Variants in ARAP3 observed in about 807,000 individuals in gnomAD.
ARAP3 encodes the protein ArfGAP with RhoGAP domain, ankyrin repeat and PH domain 3.
A neutral mutation model predicts 169.2 loss-of-function variants in ARAP3; 82 were observed. The observed-to-expected ratio is 0.48, with a 90% CI of 0.41 to 0.58. The LOEUF is 0.58. Ranked by LOEUF, ARAP3 falls within the 20% of genes least tolerant of loss-of-function variation. The pLI is 0.00. For missense variants in ARAP3, 1,764 were observed against 2,018.0 expected (o/e 0.87, Z 2.41); for synonymous variants, 791 against 800.3 (o/e 0.99, Z 0.20).
rs1301568066 is a variant in ARAP3 at position 141,672,517 on chromosome 5, C to T, written c.1385+35G>A. On this transcript the variant is annotated intron_variant, in intron 9 of 32. Transcript: ENST00000239440. The surrounding 1 kb of genome is among the most constrained non-coding windows in gnomAD (Gnocchi z 4.9). ...GCACCCTTGTGCCTCCCGCAAAAGT[C>T]CCCCAGCCTTGCCTCCCACTGGCCC... 10 of 1,609,818 alleles carry T rather than the reference C, an allele frequency of 6.2e-6. No individual in the cohort carries two copies. The East Asian group carries it at 1.6e-4, about 25-fold the overall frequency.
Position 141,653,940 on chromosome 5 carries a change from G to C in ARAP3, c.*10C>G. 2 of 1,514,714 alleles carry C rather than the reference G, an allele frequency of 1.3e-6. No individual in the cohort carries two copies. Among genetic ancestry groups the C allele is most frequent in the Non-Finnish European group, 1.8e-6 (2 of 1,132,260 alleles). The allele number at this position is 1,514,714 out of a possible 1,614,324, so 93.8% of individuals were successfully genotyped here. ...CTGGTACCTACCCTCTCAGACTGCT[G>C]GTCCTAGGGTCATGTGAGGGGCTGG... is the stretch of plus-strand genomic sequence containing the variant. On this transcript the variant is annotated 3_prime_UTR_variant, in exon 33 of 33. Coordinates refer to ENST00000239440, the MANE Select transcript of ARAP3 (RefSeq NM_022481.6).
chr5:141,674,613 T>A (rs569213775), intron 4 of ARAP3, among the ~76,000 whole-genome samples: 94 of 152,300 alleles, frequency 6.2e-4, no homozygotes, highest in African/African-American at 2.2e-3. Flanking sequence ...AAGATTGGCA[T>A]GGGGCTGCTT....
intron 17 of ARAP3, 111 bp from the exon 18 acceptor site, chr5:141,665,485 C>A (rs185057440): frequency 7.9e-6 from 9 of 1,132,122 alleles, no homozygotes; most frequent in Middle Eastern, 2.0e-4. Context: ...TTACAAAAAA[C>A]GTTCAGTTGA....
chr5:141,669,131 C>T (rs1429317770), intron 16 of ARAP3, among the ~76,000 whole-genome samples: 2 of 152,034 alleles, frequency 1.3e-5, no homozygotes, highest in African/African-American at 4.8e-5. Context: ...TCTTTTACGC[C>T]CACCCTACAG....
chr5:141,666,511 C>T lies in ARAP3; in HGVS notation c.2485G>A (p.Gly829Ser). ...LWLSGFGLLR[G>S]DHLFLCSAPG... ...GCTGAGCACAGGAAGAGGTGGTCAC[C>T]ACGAAGGAGGCCAAACCCTGACAGC... The change falls in exon 17 of 33, where the codon GGT becomes AGT. Residue 829 changes from glycine (G) to serine (S), a missense_variant. Physicochemically the swap from Gly to Ser is moderately conservative, Grantham distance 56. Transcript: ENST00000239440. The T allele has an allele frequency of 6.2e-7, 1 of 1,603,880 alleles. No individual in the cohort carries two copies. The highest frequency in any genetic ancestry group is 8.5e-7 in the Non-Finnish European group (1 of 1,175,332).
intron 16 of ARAP3, among the ~76,000 whole-genome samples, chr5:141,667,567 G>A (rs2099910833): frequency 6.6e-6 from 1 of 150,794 alleles, no homozygotes; most frequent in Admixed American, 6.6e-5. Context: ...CCGAGTAGCT[G>A]GGACTATAGG....
intron 16 of ARAP3, among the ~76,000 whole-genome samples, chr5:141,668,777 G>C (rs1317761413): frequency 6.6e-6 from 1 of 152,172 alleles, no homozygotes; most frequent in Admixed American, 6.5e-5. Context: ...AGATGACCTG[G>C]TGAGGCTGGG....
chr5:141,661,707 G>T lies in ARAP3; in HGVS notation c.3096C>A (p.Ala1032=), dbSNP rs764479478. ...CLPRVNRRTL[A]TLIGHLYRVQ... ...ACCGATAGAGATGCCCAATGAGGGT[G>T]GCCAGTGTGCGGCGGTTGACCCGCG... is the stretch of plus-strand genomic sequence containing the variant. Residue 1032 remains alanine (A), a synonymous_variant, in exon 21 of 33, where the codon GCC becomes GCA. Transcript: ENST00000239440. 6.2e-7 allele frequency: 1 copy of T among 1,614,230 alleles called. No individual in the cohort carries two copies. The highest frequency in any genetic ancestry group is 8.5e-7 in the Non-Finnish European group (1 of 1,180,048).
Position 141,672,220 on chromosome 5 carries a change from G to A in ARAP3, c.1467C>T (p.Tyr489=), listed in dbSNP as rs149846650. 725 of 1,614,194 alleles carry A rather than the reference G, an allele frequency of 4.5e-4. No homozygotes were observed. The highest frequency in any genetic ancestry group is 5.7e-4 in the Non-Finnish European group (676 of 1,180,024). Residue 489 remains tyrosine (Y), a synonymous_variant, in exon 10 of 33, where the codon TAC becomes TAT. Coordinates refer to ENST00000239440, the MANE Select transcript of ARAP3 (RefSeq NM_022481.6). This position sits in a 1 kb window ranked among gnomAD's most constrained non-coding sequence, Gnocchi z 4.9. ...TAGACCAGATCTTCTCAGCCACCTC[G>A]TAGTCAGACAGGGTCTCGGTTACTG... ...QEAVTETLSD[Y]EVAEKIWSNR...
intron 16 of ARAP3, among the ~76,000 whole-genome samples, chr5:141,667,903 G>A (rs1290551909): frequency 6.6e-6 from 1 of 151,634 alleles, no homozygotes; most frequent in African/African-American, 2.4e-5. Flanking sequence ...TTAGCCGGGC[G>A]AGGTCATGTG....
chr5:141,655,230 ACACACACACACACACACACACAC>A, intron 32 of ARAP3, 109 bp downstream of exon 32: 1 of 644,096 alleles, frequency 1.6e-6, no homozygotes. Flanking sequence ...TGGCCTACAC[ACACACACACACACACACACACAC>A]ACACACCCCC....
At position 141,656,652 on chromosome 5, in the gene ARAP3, G is replaced by A. The variant is rs1171474445; in HGVS notation, c.3656-15C>T. The A allele has an allele frequency of 6.2e-7, 1 of 1,613,430 alleles. No individual in the cohort carries two copies. The highest frequency in any genetic ancestry group is 2.2e-5 in the East Asian group (1 of 44,888). ...ACGTCGGATACCTGGGCATAGATGG[G>A]CAATCCTGGGTGGAGGATGCTAGGG... is the stretch of plus-strand genomic sequence containing the variant. On this transcript the variant is annotated splice_polypyrimidine_tract_variant and intron_variant, in intron 26 of 32. Transcript: ENST00000239440.
rs759286172 is a variant in ARAP3 at position 141,672,964 on chromosome 5, A to T, written c.1094-39T>A. 2.5e-6 allele frequency: 4 copies of T among 1,612,380 alleles called. No homozygotes were observed. The highest frequency in any genetic ancestry group is 2.5e-6 in the Non-Finnish European group (3 of 1,179,118). The stretch of plus-strand genomic sequence containing the variant: ...AGAAGCAGGTCAGTGGCTGTTGCTC[A>T]CACAGCCTCCCTCCCTCCTGCCCTG... On this transcript the variant is annotated intron_variant, in intron 7 of 32. Coordinates refer to ENST00000239440, the MANE Select transcript of ARAP3 (RefSeq NM_022481.6). This position sits in a 1 kb window ranked among gnomAD's most constrained non-coding sequence, Gnocchi z 4.9.
At chr5:141,681,255 G>A (rs926509137) in intron 1 of ARAP3, among the ~76,000 whole-genome samples, 4 of 152,172 alleles carry the variant, frequency 2.6e-5, no homozygotes, top group African/African-American at 9.7e-5. Flanking sequence ...CTCTGGTCAG[G>A]GGTACTCCAG....
chr5:141,670,255 G>A (rs1316355871), intron 14 of ARAP3, among the ~76,000 whole-genome samples, 192 bp from the exon 15 acceptor site: 1 of 152,156 alleles, frequency 6.6e-6, no homozygotes, highest in Non-Finnish European at 1.5e-5. Context: ...AGTTTCAGTA[G>A]CTTGCCCAAG....
In ARAP3 at chr5:141,672,309, G is replaced by A. The variant is rs546484808; in HGVS notation, c.1386-8C>T. The A allele has an allele frequency of 1.2e-5, 19 of 1,613,916 alleles. No homozygotes were observed. In the East Asian group the frequency reaches 2.9e-4, roughly 25 times the overall value. On this transcript the variant is annotated splice_region_variant and splice_polypyrimidine_tract_variant and intron_variant, in intron 9 of 32. Coordinates refer to ENST00000239440, the MANE Select transcript of ARAP3 (RefSeq NM_022481.6). The surrounding 1 kb of genome is among the most constrained non-coding windows in gnomAD (Gnocchi z 4.9). Reference sequence around the variant, plus strand: ...CCAGACTCGGCTGTGAAGCTGAGGGGTGGACAGCCAGTCCATGGGCATGGA... The same window carrying A: ...CCAGACTCGGCTGTGAAGCTGAGGGATGGACAGCCAGTCCATGGGCATGGA...
rs2099911643 is a variant in ARAP3, at chr5:141,672,943, G to C, written c.1094-18C>G. On this transcript the variant is annotated intron_variant, in intron 7 of 32. Transcript: ENST00000239440. The surrounding 1 kb of genome is among the most constrained non-coding windows in gnomAD (Gnocchi z 4.9). ...CCGCTGAGCTGGTGGGGATGGAGAA[G>C]CAGGTCAGTGGCTGTTGCTCACACA... The C allele has an allele frequency of 3.1e-6, 5 of 1,612,060 alleles. No homozygotes were observed. The South Asian group carries it at 5.5e-5, about 18-fold the overall frequency.
intron 32 of ARAP3, 149 bp from the exon 33 acceptor site, chr5:141,654,584 A>G: frequency 9.0e-7 from 1 of 1,116,160 alleles, no homozygotes; most frequent in South Asian, 1.7e-5. Context: ...AGTGGGTTAC[A>G]CTGAGTCAAC....
In ARAP3 at chr5:141,671,620, G is replaced by T. The variant is rs1365100122; in HGVS notation, c.1804C>A (p.Leu602Ile). ...TACTGAGGGTGGGGCTTCCGGAAGA[G>T]ACCCAGACGGTACTTTCGGGAGATG... is the stretch of plus-strand genomic sequence containing the variant. ...EFISRKYRLG[L>I]FRKPHPQYPD... The change falls in exon 12 of 33, where the codon CTC becomes ATC. Residue 602 changes from leucine to isoleucine, a missense_variant. Leu to Ile is a conservative substitution (Grantham distance 5, BLOSUM62 2). Transcript: ENST00000239440. This position sits in a 1 kb window ranked among gnomAD's most constrained non-coding sequence, Gnocchi z 4.9. 6.2e-7 allele frequency: 1 copy of T among 1,614,122 alleles called. No homozygotes were observed. The highest frequency in any genetic ancestry group is 1.1e-5 in the South Asian group (1 of 91,078).
Sources: gnomAD v4.1 joint callset for allele counts (sites outside exome capture counted in the v4.1 genomes callset) on GRCh38, gnomAD v4.1.1 for gene constraint, Gnocchi (gnomAD v3.1) non-coding constraint, MANE v1.5 for transcripts, NCBI Gene and HGNC (gene_info 2026-07-23, HGNC 2026-07-21) for gene names.